Variants in RPS6KB1 observed in about 807,000 individuals in gnomAD.
The protein encoded by RPS6KB1 is ribosomal protein S6 kinase B1.
In RPS6KB1, 12 loss-of-function variants were observed where a neutral mutation model predicts 70.2. The ratio of observed to expected loss-of-function variants is 0.17; its 90% CI spans 0.11 to 0.28. The LOEUF is 0.28. Among genes scored for constraint, RPS6KB1 ranks in the 10% least tolerant of loss-of-function variants. The pLI is 1.00. For missense variants in RPS6KB1, 270 were observed against 646.6 expected, an observed-to-expected ratio of 0.42 and a Z score of 6.32; for synonymous variants, 175 against 211.2, an observed-to-expected ratio of 0.83 and a Z score of 1.49.
intron 12 of RPS6KB1, among the ~76,000 whole-genome samples, chr17:59,938,660 C>A (rs2044391956): frequency 6.6e-6 from 1 of 151,158 alleles, no homozygotes; most frequent in African/African-American, 2.4e-5. Context: ...ATTAAACTCT[C>A]AGTATTGCAT....
At chr17:59,906,651 C>G (rs2042279752) in intron 1 of RPS6KB1, among the ~76,000 whole-genome samples, 1 of 151,718 alleles carries the variant, frequency 6.6e-6, no homozygotes, top group African/African-American at 2.4e-5. Flanking sequence ...TGTGAGCCAC[C>G]ACACCCGGCC....
At chr17:59,936,401 T>C in intron 11 of RPS6KB1, 63 bp from the exon 12 acceptor site, 2 of 1,547,772 alleles carry the variant, frequency 1.3e-6, no homozygotes, top group Non-Finnish European at 1.8e-6. Flanking sequence ...AAAAAGGTGA[T>C]TAATTTATCA....
At chr17:59,929,007 A>G (rs1450929076) in intron 5 of RPS6KB1, among the ~76,000 whole-genome samples, 2 of 152,220 alleles carry the variant, frequency 1.3e-5, no homozygotes, top group Admixed American at 6.5e-5. Flanking sequence ...GGTCACATGT[A>G]TAAGGTGGTG....
Position 59,934,576 on chromosome 17 carries a change from A to G in RPS6KB1, c.870+52A>G, listed in dbSNP as rs778029717. The G allele has an allele frequency of 2.0e-5, 27 of 1,347,848 alleles. No homozygotes were observed. In the African/African-American group the frequency reaches 3.3e-4, roughly 16 times the overall value. 83.5% of individuals were successfully genotyped at this position (1,347,848 alleles called of 1,614,324 possible). On this transcript the variant is annotated intron_variant, in intron 9 of 14. Transcript: ENST00000225577. This position sits in a 1 kb window ranked among gnomAD's most constrained non-coding sequence, Gnocchi z 4.8. ...TATTATTGGTCTGTGCTGAGTCACT[A>G]TAGCAAGAGACCTGTCCTGTGCTTT... is the stretch of plus-strand genomic sequence containing the variant.
intron 13 of RPS6KB1, among the ~76,000 whole-genome samples, chr17:59,944,182 CT>C (rs1374537668): frequency 1.3e-5 from 2 of 152,062 alleles, no homozygotes; most frequent in East Asian, 3.9e-4. Context: ...GCACCTCACT[CT>C]TTGGGACTTC....
At chr17:59,938,401 AT>A (rs1055953116) in intron 12 of RPS6KB1, among the ~76,000 whole-genome samples, 28 of 139,416 alleles carry the variant, frequency 2.0e-4, no homozygotes, top group East Asian at 6.3e-4. Flanking sequence ...TTGTTTTTCC[AT>A]TTTTTTTTTC....
intron 12 of RPS6KB1, 44 bp downstream of exon 12, chr17:59,936,585 C>T: frequency 4.7e-6 from 7 of 1,497,548 alleles, no homozygotes; most frequent in Non-Finnish European, 6.5e-6. Flanking sequence ...GTGGCTCACG[C>T]CTGTAATCCC....
intron 4 of RPS6KB1, among the ~76,000 whole-genome samples, chr17:59,924,059 T>C (rs1419405676): frequency 2.0e-5 from 3 of 149,838 alleles, no homozygotes; most frequent in Non-Finnish European, 3.0e-5. Flanking sequence ...TCTCGCTGGG[T>C]GCAGTGGCTC....
At chr17:59,915,075 A>C (rs1598720428) in intron 4 of RPS6KB1, among the ~76,000 whole-genome samples, 1 of 145,878 alleles carries the variant, frequency 6.9e-6, no homozygotes, top group African/African-American at 2.6e-5. Context: ...TGCAACCTCC[A>C]CCTCCCGGGT....
chr17:59,927,260 T>G (rs1426959029), intron 5 of RPS6KB1, among the ~76,000 whole-genome samples: 1 of 151,850 alleles, frequency 6.6e-6, no homozygotes. Context: ...ATTTTTGTAT[T>G]TTTAGTAAAG....
chr17:59,929,302 T>A (rs1312361462), intron 5 of RPS6KB1, among the ~76,000 whole-genome samples: 1 of 152,172 alleles, frequency 6.6e-6, no homozygotes, highest in African/African-American at 2.4e-5. Context: ...AGCTAATTTT[T>A]TTATTTTTAA....
intron 2 of RPS6KB1, among the ~76,000 whole-genome samples, chr17:59,910,968 A>G (rs1156445550): frequency 6.7e-6 from 1 of 149,844 alleles, no homozygotes; most frequent in African/African-American, 2.5e-5. Context: ...ACAGAAATTC[A>G]TACAGTCATT....
intron 5 of RPS6KB1, among the ~76,000 whole-genome samples, chr17:59,929,722 T>C (rs1276170980): frequency 6.6e-6 from 1 of 152,238 alleles, no homozygotes; most frequent in Non-Finnish European, 1.5e-5. Flanking sequence ...ATACGAAATA[T>C]GAGCATTCAC....
chr17:59,901,647 GA>G (rs2041958658), intron 1 of RPS6KB1, among the ~76,000 whole-genome samples: 6 of 112,960 alleles, frequency 5.3e-5, no homozygotes, highest in Admixed American at 3.7e-4. Context: ...AAAAAAAAAA[GA>G]AAAAAAAAGA....
intron 4 of RPS6KB1, 168 bp from the exon 5 acceptor site, chr17:59,926,267 C>T (rs1381252746): frequency 1.2e-5 from 7 of 585,360 alleles, no homozygotes; most frequent in South Asian, 5.0e-5. Context: ...TGCACAGAGG[C>T]ATATATAAAG....
chr17:59,929,378 C>T (rs528187827), intron 5 of RPS6KB1, among the ~76,000 whole-genome samples: 1 of 152,194 alleles, frequency 6.6e-6, no homozygotes, highest in South Asian at 2.1e-4. Context: ...GGATTACAGG[C>T]GTAAGCCACT....
intron 7 of RPS6KB1, among the ~76,000 whole-genome samples, chr17:59,933,277 C>T (rs1205495874): frequency 6.6e-6 from 1 of 151,576 alleles, no homozygotes; most frequent in African/African-American, 2.4e-5. Flanking sequence ...TCCTTCCTCT[C>T]ATCAACACCT....
intron 12 of RPS6KB1, among the ~76,000 whole-genome samples, chr17:59,939,420 C>T (rs972048825): frequency 1.3e-5 from 2 of 152,050 alleles, no homozygotes; most frequent in African/African-American, 4.8e-5. Context: ...TAGCTGGGAC[C>T]ACAGGTACAC....
intron 3 of RPS6KB1, among the ~76,000 whole-genome samples, chr17:59,913,007 A>T (rs1397476634): frequency 6.6e-6 from 1 of 152,218 alleles, no homozygotes; most frequent in Non-Finnish European, 1.5e-5. Flanking sequence ...AGCCTGGCAC[A>T]TAATAGGTAC....
Sources: allele counts gnomAD v4.1 joint callset (sites outside exome capture counted in the v4.1 genomes callset), GRCh38; gene constraint gnomAD v4.1.1; non-coding constraint Gnocchi (gnomAD v3.1); transcripts MANE v1.5; gene names NCBI Gene and HGNC (gene_info 2026-07-23, HGNC 2026-07-21).